The following NR3C1 variants were observed in gnomAD, a reference collection of about 807,000 sequenced individuals.
The protein encoded by NR3C1 is nuclear receptor subfamily 3 group C member 1, also known as glucocorticoid receptor.
In NR3C1, 14 loss-of-function variants were observed where a neutral mutation model predicts 74.0. The ratio of observed to expected loss-of-function variants is 0.19; its 90% CI spans 0.12 to 0.30. The LOEUF (loss-of-function observed/expected upper bound fraction) is 0.30. NR3C1 is among the 10% of genes least tolerant of loss of function. The pLI is 1.00. For synonymous variants in NR3C1, 308 were observed against 332.5 expected, an observed-to-expected ratio of 0.93 and a Z score of 0.80; for missense variants, 695 against 909.8, an observed-to-expected ratio of 0.76 and a Z score of 3.04.
chr5:143,367,869 CTT>C (rs1833534014), intron 2 of NR3C1, among the ~76,000 whole-genome samples: 1 of 152,098 alleles, frequency 6.6e-6, no homozygotes, highest in South Asian at 2.1e-4. Flanking sequence ...TCAATTGCCT[CTT>C]TTTTTCTTCC....
At position 143,280,553 on chromosome 5, in the gene NR3C1, AT is replaced by A. The variant is rs770765693; in HGVS notation, c.*1335del. ...TACAGCTTCTATTTTGTTTAAAATA[AT>A]TTTCAACAGTGAAGAAATTCACAGG... On this transcript the variant is annotated 3_prime_UTR_variant, in exon 9 of 9. Transcript: ENST00000394464. 7.2e-5 allele frequency: 11 copies of A among 152,620 alleles called. No homozygotes were observed. The highest frequency in any genetic ancestry group is 6.5e-5 in the Admixed American group (1 of 15,272). The allele number at this position is 152,620 out of a possible 1,614,324, so 9.5% of individuals were successfully genotyped here. A position where few individuals can be genotyped will look rare whatever the true frequency, so the allele number is the denominator to read the frequency against.
chr5:143,291,585 T>C (rs1277281847), intron 7 of NR3C1, among the ~76,000 whole-genome samples: 1 of 152,184 alleles, frequency 6.6e-6, no homozygotes, highest in African/African-American at 2.4e-5. Flanking sequence ...TTTCACCTCC[T>C]AGTTAAAAAA....
chr5:143,424,205 AGT>A (rs1751407430), intron 1 of NR3C1, among the ~76,000 whole-genome samples: 1 of 120,214 alleles, frequency 8.3e-6, no homozygotes, highest in Non-Finnish European at 1.8e-5. Context: ...TAAAACTTAT[AGT>A]ATAATAATAA....
Position 143,282,548 on chromosome 5 carries a change from G to C in NR3C1, c.2181+20C>G. 1.2e-6 allele frequency: 2 copies of C among 1,613,228 alleles called. No individual in the cohort carries two copies. Among genetic ancestry groups the C allele is most frequent in the Non-Finnish European group, 1.7e-6 (2 of 1,179,514 alleles). On this transcript the variant is annotated intron_variant, in intron 8 of 8. Transcript: ENST00000394464. ...TTGTCCCAGAAAACTCTTATATTTG[G>C]CTTTATGTTTGACACTTACTTCATG...
intron 2 of NR3C1, among the ~76,000 whole-genome samples, chr5:143,321,177 T>A (rs898808732): frequency 2.0e-5 from 3 of 152,168 alleles, no homozygotes; most frequent in African/African-American, 7.2e-5. Flanking sequence ...GAGACAATAG[T>A]GCAGTTATTG....
intron 1 of NR3C1, among the ~76,000 whole-genome samples, chr5:143,425,936 A>C (rs551633778): frequency 6.6e-6 from 1 of 152,216 alleles, no homozygotes; most frequent in Admixed American, 6.5e-5. Flanking sequence ...TCATAACAAC[A>C]TTATTCATAA....
At chr5:143,303,270 T>C (rs1429781739) in intron 4 of NR3C1, among the ~76,000 whole-genome samples, 1 of 151,778 alleles carries the variant, frequency 6.6e-6, no homozygotes. Flanking sequence ...GAGTTTACTA[T>C]GAAAGTATCA....
intron 7 of NR3C1, among the ~76,000 whole-genome samples, chr5:143,294,593 C>T (rs1165169021): frequency 3.3e-5 from 5 of 152,224 alleles, no homozygotes; most frequent in African/African-American, 7.2e-5. Flanking sequence ...TAGTATCATA[C>T]GAAGTATTTT....
At chr5:143,396,511 G>GT (rs1185601041) in intron 2 of NR3C1, among the ~76,000 whole-genome samples, 1 of 151,736 alleles carries the variant, frequency 6.6e-6, no homozygotes, top group Non-Finnish European at 1.5e-5. Context: ...TCTTCTCTTC[G>GT]TATTTCCTCT....
rs60607518 is a variant in NR3C1, at chr5:143,354,922, CA to C, written c.1185-40755del. 7.2e-3 allele frequency among the ~76,000 whole-genome samples: 350 copies of C among 48,934 alleles called. 4 individuals are homozygous for C. Among genetic ancestry groups the C allele is most frequent in the African/African-American group, 0.019 (249 of 13,008 alleles). 32.1% of individuals were successfully genotyped at this position (48,934 alleles called of 152,430 possible). On this transcript the variant is annotated intron_variant, in intron 2 of 8. Transcript: ENST00000394464. The stretch of plus-strand genomic sequence containing the variant: ...TGGGTGACAGAGCAAAAGTCCGTCT[CA>C]AAAAAAAAAAAAAAAAGAAAAAATC...
intron 2 of NR3C1, among the ~76,000 whole-genome samples, chr5:143,369,132 C>T (rs527460356): frequency 1.6e-4 from 24 of 152,204 alleles, no homozygotes; most frequent in Admixed American, 3.9e-4. Flanking sequence ...TATGTTCCAA[C>T]ATGAGTTTTG....
At chr5:143,327,091 A>G (rs1245279949) in intron 2 of NR3C1, among the ~76,000 whole-genome samples, 1 of 152,168 alleles carries the variant, frequency 6.6e-6, no homozygotes, top group Admixed American at 6.5e-5. Context: ...TAAAGATACT[A>G]TCTGAGACTG....
At chr5:143,429,918 A>G (rs1280017325) in intron 1 of NR3C1, among the ~76,000 whole-genome samples, 2 of 151,960 alleles carry the variant, frequency 1.3e-5, no homozygotes, top group African/African-American at 4.8e-5. Context: ...CATCTCTACT[A>G]AAAATACAAA....
chr5:143,306,611 T>C lies in NR3C1; in HGVS notation c.1468+3486A>G, dbSNP rs561690488. ...GATATGTGCCACACGGTACATATCA[T>C]AGTAGGAAATAACAAATCAGAATTT... On this transcript the variant is annotated intron_variant, in intron 4 of 8. Transcript: ENST00000394464. Among the ~76,000 whole-genome samples, 27 of 152,288 alleles carry C rather than the reference T, an allele frequency of 1.8e-4. 2 individuals carry two copies. In the East Asian group the frequency reaches 5.0e-3, roughly 28 times the overall value.
intron 2 of NR3C1, among the ~76,000 whole-genome samples, chr5:143,328,327 A>C (rs905479985): frequency 6.6e-6 from 1 of 152,160 alleles, no homozygotes; most frequent in African/African-American, 2.4e-5. Context: ...TTTCCCTCCT[A>C]GTTCTCAGGC....
At chr5:143,343,580 A>G (rs1000309993) in intron 2 of NR3C1, among the ~76,000 whole-genome samples, 2 of 152,234 alleles carry the variant, frequency 1.3e-5, no homozygotes, top group African/African-American at 4.8e-5. Context: ...ATAACTAGCC[A>G]TTAGTGGAGT....
At chr5:143,388,106 T>C (rs1010537444) in intron 2 of NR3C1, among the ~76,000 whole-genome samples, 10 of 152,258 alleles carry the variant, frequency 6.6e-5, no homozygotes, top group African/African-American at 2.2e-4. Flanking sequence ...ACCCTTCATT[T>C]ACAAACATTG....
chr5:143,413,190 G>A (rs1250890886), intron 1 of NR3C1, among the ~76,000 whole-genome samples: 5 of 152,184 alleles, frequency 3.3e-5, no homozygotes, highest in Non-Finnish European at 7.4e-5. Flanking sequence ...GATGCATAGG[G>A]CACTTCATAA....
chr5:143,397,769 G>A (rs1350660946), intron 2 of NR3C1, among the ~76,000 whole-genome samples: 4 of 151,752 alleles, frequency 2.6e-5, no homozygotes, highest in East Asian at 3.8e-4. Flanking sequence ...TTAAAAATAC[G>A]TAAAGATACT....
Sources: gnomAD v4.1 joint callset for allele counts (sites outside exome capture counted in the v4.1 genomes callset) on GRCh38, gnomAD v4.1.1 for gene constraint, MANE v1.5 for transcripts, NCBI Gene and HGNC (gene_info 2026-07-23, HGNC 2026-07-21) for gene names.